EYA1: variants seen among roughly 807,000 people sequenced by gnomAD.
EYA1 encodes EYA transcriptional coactivator and phosphatase 1, also known as protein phosphatase EYA1.
Under a neutral mutation model 82.0 loss-of-function variants are expected in EYA1, and 16 were observed. That is an observed-to-expected ratio of 0.20 (90% CI 0.13 to 0.30). The LOEUF is 0.30. Ranked by LOEUF, EYA1 falls within the 10% of genes least tolerant of loss-of-function variation. The pLI, the probability that EYA1 is intolerant of heterozygous loss-of-function variation, is 1.00. For synonymous variants in EYA1, 261 were observed against 264.4 expected, an observed-to-expected ratio of 0.99 and a Z score of 0.12; for missense variants, 633 against 730.7, an observed-to-expected ratio of 0.87 and a Z score of 1.54.
intron 17 of EYA1, chr8:71,200,157 A>C (rs1806786872): frequency 6.6e-6 from 1 of 151,426 alleles, no homozygotes; most frequent in Admixed American, 6.6e-5. Context: ...GTACTAATGC[A>C]TGAGCAAAAC....
At chr8:71,525,557 A>G (rs1813742356) in intron 2 of EYA1, among the ~76,000 whole-genome samples, 1 of 152,184 alleles carries the variant, frequency 6.6e-6, no homozygotes, top group African/African-American at 2.4e-5. Flanking sequence ...CATGTACATA[A>G]GCTAAATTAA....
intron 9 of EYA1, among the ~76,000 whole-genome samples, chr8:71,289,195 T>C (rs985191904): frequency 1.3e-5 from 2 of 152,044 alleles, no homozygotes; most frequent in African/African-American, 2.4e-5. Context: ...CCATGACAGG[T>C]GACTATTTAA....
chr8:71,374,943 A>C (rs1828284872), intron 2 of EYA1, among the ~76,000 whole-genome samples: 1 of 152,234 alleles, frequency 6.6e-6, no homozygotes, highest in Non-Finnish European at 1.5e-5. Flanking sequence ...TTTTCTTTAA[A>C]AGTCAAATAC....
chr8:71,429,907 C>T (rs1233613311), intron 2 of EYA1, among the ~76,000 whole-genome samples: 6 of 152,126 alleles, frequency 3.9e-5, no homozygotes, highest in African/African-American at 1.4e-4. Context: ...TGTAGCTTAA[C>T]TTTGGCATTA....
At chr8:71,291,541 A>G (rs893801186) in intron 9 of EYA1, among the ~76,000 whole-genome samples, 1 of 152,192 alleles carries the variant, frequency 6.6e-6, no homozygotes, top group African/African-American at 2.4e-5. Context: ...TGAAAAACAA[A>G]CTTTTCTACG....
intron 2 of EYA1, among the ~76,000 whole-genome samples, chr8:71,369,500 G>T (rs188969529): frequency 6.6e-6 from 1 of 152,250 alleles, no homozygotes; most frequent in East Asian, 1.9e-4. Context: ...TAACTAGCTA[G>T]CTATAAAATG....
chr8:71,232,981 T>C (rs1398211055), intron 12 of EYA1, among the ~76,000 whole-genome samples: 1 of 152,188 alleles, frequency 6.6e-6, no homozygotes, highest in Non-Finnish European at 1.5e-5. Context: ...TATATCATCA[T>C]CCAGTTTTAC....
At chr8:71,309,748 C>G (rs1236819883) in intron 7 of EYA1, among the ~76,000 whole-genome samples, 1 of 152,174 alleles carries the variant, frequency 6.6e-6, no homozygotes, top group Non-Finnish European at 1.5e-5. Flanking sequence ...GTTACTGGAT[C>G]ATTCCCACTT....
At chr8:71,266,974 A>G (rs1815908256) in intron 11 of EYA1, among the ~76,000 whole-genome samples, 1 of 152,218 alleles carries the variant, frequency 6.6e-6, no homozygotes, top group African/African-American at 2.4e-5. Flanking sequence ...TCTACCTGCA[A>G]TGTAATCCAG....
chr8:71,488,727 AC>A (rs1368190717), intron 2 of EYA1, among the ~76,000 whole-genome samples: 2 of 152,226 alleles, frequency 1.3e-5, no homozygotes, highest in Non-Finnish European at 1.5e-5. Flanking sequence ...GGTGTATGTT[AC>A]ACCTTAATTT....
chr8:71,537,706 T>C (rs1342387029), intron 1 of EYA1, among the ~76,000 whole-genome samples: 2 of 152,164 alleles, frequency 1.3e-5, no homozygotes, highest in Admixed American at 6.5e-5. Flanking sequence ...TCCATACCTG[T>C]CTTGTGAACA....
At chr8:71,399,007 C>T (rs925133944) in intron 2 of EYA1, among the ~76,000 whole-genome samples, 6 of 152,216 alleles carry the variant, frequency 3.9e-5, no homozygotes, top group Admixed American at 6.5e-5. Context: ...GATGCCCCTC[C>T]GACAGCCTTG....
chr8:71,317,436 T>C (rs1256807390), intron 7 of EYA1, 116 bp downstream of exon 7: 3 of 1,129,556 alleles, frequency 2.7e-6, no homozygotes, highest in Admixed American at 1.8e-5. Context: ...GTCCTGCCTC[T>C]AAGCCCAATC....
intron 1 of EYA1, among the ~76,000 whole-genome samples, chr8:71,545,731 T>G (rs2129295265): frequency 6.6e-6 from 1 of 152,018 alleles, no homozygotes; most frequent in South Asian, 2.1e-4. Flanking sequence ...CCAGCTAATT[T>G]TTTGTATTTT....
At chr8:71,445,046 AT>A (rs1237188062) in intron 2 of EYA1, among the ~76,000 whole-genome samples, 1 of 152,036 alleles carries the variant, frequency 6.6e-6, no homozygotes, top group Admixed American at 6.5e-5. Context: ...AATTTGCCCA[AT>A]TTTTTTACAT....
chr8:71,227,438 A>T (rs1215938960), intron 12 of EYA1, among the ~76,000 whole-genome samples: 1 of 152,194 alleles, frequency 6.6e-6, no homozygotes, highest in Non-Finnish European at 1.5e-5. Context: ...CATAAAAATC[A>T]TTCTTTTTAT....
intron 2 of EYA1, 144 bp from the exon 3 acceptor site, chr8:71,355,053 A>C (rs2129070111): frequency 6.4e-5 from 53 of 821,976 alleles, no homozygotes; most frequent in Non-Finnish European, 9.1e-5. Flanking sequence ...AATTCATCTC[A>C]CATTTTGACT....
At chr8:71,434,624 C>T (rs370358364) in intron 2 of EYA1, among the ~76,000 whole-genome samples, 1 of 152,084 alleles carries the variant, frequency 6.6e-6, no homozygotes, top group Non-Finnish European at 1.5e-5. Context: ...TCACCAGGAA[C>T]GTCATACATT....
At chr8:71,292,629 C>G (rs942215256) in intron 9 of EYA1, among the ~76,000 whole-genome samples, 19 of 151,940 alleles carry the variant, frequency 1.3e-4, no homozygotes, top group African/African-American at 4.1e-4. Context: ...TTACTGTAAA[C>G]TATGAAATTT....
Sources: gnomAD v4.1 joint callset for allele counts (sites outside exome capture counted in the v4.1 genomes callset) on GRCh38, gnomAD v4.1.1 for gene constraint, MANE v1.5 for transcripts, NCBI Gene and HGNC (gene_info 2026-07-23, HGNC 2026-07-21) for gene names.